The following RBSN variants were observed in gnomAD, a reference collection of about 807,000 sequenced individuals.
The protein encoded by RBSN is rabenosyn, RAB effector.
Under a neutral mutation model 60.5 loss-of-function variants are expected in RBSN, and 34 were observed. The ratio of observed to expected loss-of-function variants is 0.56; its 90% CI spans 0.43 to 0.75. The LOEUF (loss-of-function observed/expected upper bound fraction) is 0.75, where lower values mean the gene tolerates loss of function less well. Ranked by LOEUF, RBSN falls within the 30% of genes least tolerant of loss-of-function variation. The pLI is 0.00. For missense variants in RBSN, 845 were observed against 986.8 expected (o/e 0.86, Z 1.92); for synonymous variants, 322 against 366.9 (o/e 0.88, Z 1.40).
chr3:15,094,142 G>A (rs908139926), intron 4 of RBSN, among the ~76,000 whole-genome samples: 8 of 152,074 alleles, frequency 5.3e-5, no homozygotes, highest in South Asian at 2.1e-4. Context: ...GTAGGAATCC[G>A]GGAACATTCT....
chr3:15,087,291 G>A (rs2043370341), intron 5 of RBSN, among the ~76,000 whole-genome samples: 1 of 152,138 alleles, frequency 6.6e-6, no homozygotes, highest in Non-Finnish European at 1.5e-5. Flanking sequence ...GAGGAGCATG[G>A]ATCACTTGAG....
At position 15,073,455 on chromosome 3, in the gene RBSN, A is replaced by G. The variant is rs751937571; in HGVS notation, c.*327T>C. 2 of 275,898 alleles carry G rather than the reference A, an allele frequency of 7.2e-6. No homozygotes were observed. Among genetic ancestry groups the G allele is most frequent in the Non-Finnish European group, 1.4e-5 (2 of 145,126 alleles). 17.1% of individuals were successfully genotyped at this position (275,898 alleles called of 1,614,324 possible). On this transcript the variant is annotated 3_prime_UTR_variant, in exon 14 of 14. Transcript: ENST00000253699. The stretch of plus-strand genomic sequence containing the variant: ...CAGCAGCCATTTCTGCCCTGGGCCC[A>G]ACAGAGCTGCATTTAGTTATATCTC...
At position 15,073,710 on chromosome 3, in the gene RBSN, T is replaced by G. The variant is rs2042972484; in HGVS notation, c.*72A>C. On this transcript the variant is annotated 3_prime_UTR_variant, in exon 14 of 14. Transcript: ENST00000253699. ...ACCCTGCCACCTTCCCCATCCATCCTGCCTGCCCTCTGTCCTGCTCCACTG... is the reference window on the plus strand; with the variant it reads ...ACCCTGCCACCTTCCCCATCCATCCGGCCTGCCCTCTGTCCTGCTCCACTG... 6.7e-7 allele frequency: 1 copy of G among 1,497,066 alleles called. No individual in the cohort carries two copies. The highest frequency in any genetic ancestry group is 1.4e-5 in the African/African-American group (1 of 71,696). The allele number at this position is 1,497,066 out of a possible 1,614,324, so 92.7% of individuals were successfully genotyped here.
intron 4 of RBSN, among the ~76,000 whole-genome samples, chr3:15,094,549 G>A (rs754246914): frequency 1.2e-4 from 19 of 152,296 alleles, no homozygotes; most frequent in Non-Finnish European, 2.2e-4. Context: ...GTTGTTAGGA[G>A]AGTCAGATGA....
At chr3:15,097,287 G>A (rs1283221386) in intron 2 of RBSN, among the ~76,000 whole-genome samples, 5 of 152,208 alleles carry the variant, frequency 3.3e-5, no homozygotes, top group African/African-American at 1.2e-4. Flanking sequence ...GGCCAAGGCA[G>A]GCGGATCACC....
intron 6 of RBSN, 127 bp from the exon 7 acceptor site, chr3:15,085,172 G>T (rs2043307281): frequency 8.9e-7 from 1 of 1,123,046 alleles, no homozygotes; most frequent in Non-Finnish European, 1.3e-6. Context: ...CATCCCCAAC[G>T]CCACAAAATC....
Position 15,080,917 on chromosome 3 carries a change from A to T in RBSN, c.841-115T>A, listed in dbSNP as rs1360636080. ...AAATGTTCACTTTTCTAACACATTAATTGTTGTTATCAATTTCCTGATTTA... is the reference window on the plus strand; with the variant it reads ...AAATGTTCACTTTTCTAACACATTATTTGTTGTTATCAATTTCCTGATTTA... On this transcript the variant is annotated intron_variant, in intron 9 of 13. Transcript: ENST00000253699. 21 of 830,560 alleles carry T rather than the reference A, an allele frequency of 2.5e-5. No individual in the cohort carries two copies. In the East Asian group the frequency reaches 4.3e-4, roughly 17 times the overall value. 51.4% of individuals were successfully genotyped at this position (830,560 alleles called of 1,614,324 possible).
chr3:15,075,983 C>G (rs2043043852), intron 12 of RBSN, among the ~76,000 whole-genome samples: 1 of 152,070 alleles, frequency 6.6e-6, no homozygotes, highest in Non-Finnish European at 1.5e-5. Context: ...CCCTGCCCAT[C>G]CTATTAACTT....
chr3:15,074,710 G>T lies in RBSN; in HGVS notation c.1427C>A (p.Ala476Glu), dbSNP rs773052562. The change falls in exon 14 of 14, where the codon GCG (alanine) becomes GAG (glutamate). Residue 476 changes from alanine (A) to glutamate (E), a missense_variant. By Grantham distance (107) the Ala-to-Glu change is moderately radical. Transcript: ENST00000253699. The surrounding 1 kb of genome is among the most constrained non-coding windows in gnomAD (Gnocchi z 6.4). Reference protein sequence around the residue: ...ITSFIRQAKAAGRMDEVRTLQ... With the variant: ...ITSFIRQAKAEGRMDEVRTLQ... ...AGTGCGCACTTCATCCATGCGGCCCGCGGCCTTGGCCTGCCTGATGAATGA... is the reference window on the plus strand; with the variant it reads ...AGTGCGCACTTCATCCATGCGGCCCTCGGCCTTGGCCTGCCTGATGAATGA... The T allele has an allele frequency of 6.2e-7, 1 of 1,614,230 alleles. No homozygotes were observed. The highest frequency in any genetic ancestry group is 8.5e-7 in the Non-Finnish European group (1 of 1,180,034).
At chr3:15,085,106 T>G in intron 6 of RBSN, 61 bp from the exon 7 acceptor site, 1 of 1,571,508 alleles carries the variant, frequency 6.4e-7, no homozygotes, top group African/African-American at 1.4e-5. Context: ...TGCTCCACAC[T>G]TTCCAATACA....
chr3:15,094,586 TA>T (rs933488785), intron 4 of RBSN, among the ~76,000 whole-genome samples: 4 of 152,222 alleles, frequency 2.6e-5, no homozygotes, highest in Admixed American at 6.5e-5. Context: ...AAAGAAACTC[TA>T]AAAACTATAA....
Position 15,084,388 on chromosome 3 carries a change from G to A in RBSN, c.598+347C>T, listed in dbSNP as rs1191437862. ...CTGCCTTGGCCTCTCAAAGTGCTGT[G>A]ATTACAGGCATGAGCCACTGTGCCC... On this transcript the variant is annotated intron_variant, in intron 8 of 13. Transcript: ENST00000253699. The surrounding 1 kb of genome is among the most constrained non-coding windows in gnomAD (Gnocchi z 4.2). Among the ~76,000 whole-genome samples the A allele has an allele frequency of 1.3e-5, 2 of 152,208 alleles. No homozygotes were observed. Among genetic ancestry groups the A allele is most frequent in the African/African-American group, 4.8e-5 (2 of 41,446 alleles).
In RBSN at chr3:15,085,813, G is replaced by C. The variant is rs776468114; in HGVS notation, c.390+48C>G. The C allele has an allele frequency of 2.7e-6, 4 of 1,455,316 alleles. No homozygotes were observed. The South Asian group carries it at 4.6e-5, about 17-fold the overall frequency. The allele number at this position is 1,455,316 out of a possible 1,614,324, so 90.2% of individuals were successfully genotyped here. On this transcript the variant is annotated intron_variant, in intron 6 of 13. Coordinates refer to ENST00000253699, the MANE Select transcript of RBSN (RefSeq NM_022340.4). The stretch of plus-strand genomic sequence containing the variant: ...ATAGAAATGTGATTATTTTTCCCCA[G>C]AAAATGTGTATTTGTAGAAAAAAAT...
chr3:15,092,215 G>T (rs1246641265), intron 4 of RBSN, among the ~76,000 whole-genome samples: 1 of 150,990 alleles, frequency 6.6e-6, no homozygotes, highest in Non-Finnish European at 1.5e-5. Flanking sequence ...TTGTAGAGAT[G>T]TTGCCCAGGT....
intron 10 of RBSN, among the ~76,000 whole-genome samples, chr3:15,079,356 CG>C (rs1559343275): frequency 5.9e-5 from 9 of 152,214 alleles, no homozygotes; most frequent in Non-Finnish European, 1.3e-4. Flanking sequence ...TTCCACAAAA[CG>C]ATTTAGCAAT....
At chr3:15,088,746 T>C (rs1269097302) in intron 5 of RBSN, among the ~76,000 whole-genome samples, 4 of 152,180 alleles carry the variant, frequency 2.6e-5, no homozygotes, top group Non-Finnish European at 5.9e-5. Flanking sequence ...TCCAATACAG[T>C]AGCAAATAGC....
At chr3:15,080,959 G>A in intron 9 of RBSN, 157 bp from the exon 10 acceptor site, 1 of 609,384 alleles carries the variant, frequency 1.6e-6, no homozygotes, top group Non-Finnish European at 2.9e-6. Flanking sequence ...TACTTTCCAA[G>A]CAGAAAATTT....
At position 15,078,134 on chromosome 3, in the gene RBSN, T is replaced by G; in HGVS notation, c.939A>C (p.Glu313Asp). 6.2e-7 allele frequency: 1 copy of G among 1,614,196 alleles called. No individual in the cohort carries two copies. ...LNAGETTYSL[E>D]HASDLRVEVQ... ...CTTCCACTCGAAGGTCACTGGCATG[T>G]TCCAGACTGTAGGTTGTCTCCCCAG... The change falls in exon 11 of 14, where the codon GAA (glutamate) becomes GAC (aspartate). Residue 313 changes from glutamate (E) to aspartate (D), a missense_variant. Physicochemically the swap from Glu to Asp is conservative, Grantham distance 45 (BLOSUM62 2). Transcript: ENST00000253699.
In RBSN at chr3:15,070,771, C is replaced by T. The variant is rs2042910956; in HGVS notation, c.*3011G>A. On this transcript the variant is annotated 3_prime_UTR_variant, in exon 14 of 14. Coordinates refer to ENST00000253699, the MANE Select transcript of RBSN (RefSeq NM_022340.4). ...ATAGAAGAATACAGCCATGGATAAA[C>T]TTAATCAAAAGAATATGATTTTAGT... 1 of 152,616 alleles carries T rather than the reference C, an allele frequency of 6.6e-6. No homozygotes were observed. The highest frequency in any genetic ancestry group is 2.4e-5 in the African/African-American group (1 of 41,422). 9.5% of individuals were successfully genotyped at this position (152,616 alleles called of 1,614,324 possible).
Sources: gnomAD v4.1 joint callset for allele counts (sites outside exome capture counted in the v4.1 genomes callset) on GRCh38, gnomAD v4.1.1 for gene constraint, Gnocchi (gnomAD v3.1) non-coding constraint, MANE v1.5 for transcripts, NCBI Gene and HGNC (gene_info 2026-07-23, HGNC 2026-07-21) for gene names.